SYNPR: variants seen among roughly 807,000 people sequenced by gnomAD.
SYNPR encodes the protein synaptoporin.
In SYNPR, 23 loss-of-function variants were observed where a neutral mutation model predicts 32.9. The observed-to-expected ratio is 0.70, with a 90% CI of 0.50 to 0.99. SYNPR has a LOEUF of 0.99. Ranked by LOEUF, SYNPR falls within the 50% of genes least tolerant of loss-of-function variation. The probability of loss-of-function intolerance (pLI) is 0.00; values close to 1 mark genes in which losing one functional copy is unlikely to be tolerated. For synonymous variants in SYNPR, 146 were observed against 135.9 expected (o/e 1.07, Z -0.52); for missense variants, 318 against 349.3 (o/e 0.91, Z 0.71).
At chr3:63,460,103 T>C (rs1700554031) in intron 2 of SYNPR, among the ~76,000 whole-genome samples, 1 of 152,048 alleles carries the variant, frequency 6.6e-6, no homozygotes, top group African/African-American at 2.4e-5. Flanking sequence ...ACCAGAGAGG[T>C]CATTTCTGAA....
At chr3:63,397,912 A>G (rs1044683242) in intron 2 of SYNPR, among the ~76,000 whole-genome samples, 1 of 152,254 alleles carries the variant, frequency 6.6e-6, no homozygotes. Flanking sequence ...TGAGACAAGT[A>G]TAGAAATAGC....
chr3:63,601,099 C>A (rs1700034368), intron 4 of SYNPR, among the ~76,000 whole-genome samples: 2 of 151,946 alleles, frequency 1.3e-5, no homozygotes. Flanking sequence ...ATGGAGAAAC[C>A]CCATCTCTAC....
chr3:63,378,232 G>T (rs1015176523), intron 2 of SYNPR, among the ~76,000 whole-genome samples: 1 of 151,838 alleles, frequency 6.6e-6, no homozygotes, highest in Non-Finnish European at 1.5e-5. Context: ...AGTGGGAAAG[G>T]TATTTCCTTC....
chr3:63,278,974 A>C (rs901458613), intron 2 of SYNPR, among the ~76,000 whole-genome samples: 1 of 152,070 alleles, frequency 6.6e-6, no homozygotes, highest in African/African-American at 2.4e-5. Context: ...GGGCTTAGAC[A>C]AGTGTCGTCT....
At chr3:63,505,466 C>T (rs572148605) in intron 3 of SYNPR, among the ~76,000 whole-genome samples, 2 of 152,164 alleles carry the variant, frequency 1.3e-5, no homozygotes, top group East Asian at 3.9e-4. Context: ...TCAGACAAGC[C>T]CTCATTCTGG....
intron 3 of SYNPR, among the ~76,000 whole-genome samples, chr3:63,521,124 C>T (rs1267367391): frequency 1.3e-5 from 2 of 152,192 alleles, no homozygotes; most frequent in African/African-American, 4.8e-5. Context: ...CTCCATAATC[C>T]AGCTTTCTAG....
chr3:63,258,315 T>G (rs1051414228), intron 2 of SYNPR, among the ~76,000 whole-genome samples: 6 of 152,178 alleles, frequency 3.9e-5, no homozygotes, highest in African/African-American at 1.4e-4. Flanking sequence ...GACCACATAG[T>G]TGGAAGTAAA....
intron 2 of SYNPR, among the ~76,000 whole-genome samples, chr3:63,280,971 A>T (rs2086625495): frequency 1.3e-5 from 2 of 152,174 alleles, no homozygotes; most frequent in Admixed American, 1.3e-4. Context: ...TAGTTGGTTG[A>T]CCTACATTTT....
chr3:63,383,755 A>G (rs2088005629), intron 2 of SYNPR, among the ~76,000 whole-genome samples: 1 of 152,132 alleles, frequency 6.6e-6, no homozygotes, highest in African/African-American at 2.4e-5. Context: ...GATGACACCA[A>G]GAAGAACATC....
chr3:63,315,375 TG>T, intron 2 of SYNPR, among the ~76,000 whole-genome samples: 1 of 152,140 alleles, frequency 6.6e-6, no homozygotes, highest in Non-Finnish European at 1.5e-5. Flanking sequence ...GAACATGGGA[TG>T]TGTTTCCATT....
chr3:63,296,066 G>A (rs1470417745), intron 2 of SYNPR, among the ~76,000 whole-genome samples: 2 of 152,146 alleles, frequency 1.3e-5, no homozygotes, highest in East Asian at 3.9e-4. Flanking sequence ...GGTAATGCAG[G>A]AGGAAACCTG....
intron 5 of SYNPR, among the ~76,000 whole-genome samples, chr3:63,614,731 G>T (rs1447848418): frequency 6.6e-6 from 1 of 152,142 alleles, no homozygotes; most frequent in Non-Finnish European, 1.5e-5. Context: ...TAACCATAAA[G>T]AGAAGATAGC....
At chr3:63,474,777 C>A (rs945897325) in intron 2 of SYNPR, among the ~76,000 whole-genome samples, 1 of 152,108 alleles carries the variant, frequency 6.6e-6, no homozygotes, top group African/African-American at 2.4e-5. Flanking sequence ...ATCTCCCAAC[C>A]CCTTACCTAC....
At chr3:63,321,347 G>A (rs554685436) in intron 2 of SYNPR, among the ~76,000 whole-genome samples, 1 of 152,130 alleles carries the variant, frequency 6.6e-6, no homozygotes, top group South Asian at 2.1e-4. Context: ...GTCCAAAGAA[G>A]AAAGTATGTT....
At chr3:63,258,147 C>T (rs2086404380) in intron 2 of SYNPR, among the ~76,000 whole-genome samples, 1 of 152,104 alleles carries the variant, frequency 6.6e-6, no homozygotes, top group Non-Finnish European at 1.5e-5. Flanking sequence ...CCACTGTCAA[C>T]ATTAGACAGA....
chr3:63,476,894 C>T (rs1012176313), intron 2 of SYNPR, among the ~76,000 whole-genome samples: 1 of 152,190 alleles, frequency 6.6e-6, no homozygotes, highest in African/African-American at 2.4e-5. Context: ...TTATCCTTGT[C>T]TTTTCTGTGA....
intron 4 of SYNPR, among the ~76,000 whole-genome samples, chr3:63,569,689 T>C (rs1264084907): frequency 6.6e-6 from 1 of 152,248 alleles, no homozygotes; most frequent in Non-Finnish European, 1.5e-5. Flanking sequence ...TGCTGGGCTC[T>C]GCATGCCCTC....
At chr3:63,572,192 T>C (rs2106848191) in intron 4 of SYNPR, among the ~76,000 whole-genome samples, 1 of 152,292 alleles carries the variant, frequency 6.6e-6, no homozygotes, top group Non-Finnish European at 1.5e-5. Context: ...ATCTTTCTAA[T>C]TGAGTCTTGC....
At chr3:63,290,978 T>C (rs17310434) in intron 2 of SYNPR, among the ~76,000 whole-genome samples, 18,790 of 152,208 alleles carry the variant, frequency 0.12, 1,273 homozygotes, top group Non-Finnish European at 0.16. Flanking sequence ...AGAGTTAGAT[T>C]GGCATGGAGA....
Sources: gnomAD v4.1 joint callset for allele counts (sites outside exome capture counted in the v4.1 genomes callset) on GRCh38, gnomAD v4.1.1 for gene constraint, MANE v1.5 for transcripts, NCBI Gene and HGNC (gene_info 2026-07-23, HGNC 2026-07-21) for gene names.